ZFAT: variants seen among roughly 807,000 people sequenced by gnomAD.
ZFAT encodes the protein zinc finger and AT-hook domain containing, also known as zinc finger protein ZFAT.
Under a neutral mutation model 117.7 loss-of-function variants are expected in ZFAT, and 64 were observed. The observed-to-expected ratio is 0.54, with a 90% CI of 0.44 to 0.67. The LOEUF (loss-of-function observed/expected upper bound fraction) is 0.67, where lower values mean the gene tolerates loss of function less well. ZFAT is among the 30% of genes least tolerant of loss of function. The pLI is 0.00. For missense variants in ZFAT, 1,433 were observed against 1,584.5 expected (o/e 0.90, Z 1.62); for synonymous variants, 679 against 615.0 (o/e 1.10, Z -1.54).
At position 134,512,588 on chromosome 8, in the gene ZFAT, G is replaced by C; in HGVS notation, c.3248C>G (p.Ala1083Gly). Reference sequence around the variant, plus strand: ...ATACTGGGTGGAGGGCTCCTCAGGAGCTTCTGTTGCTGTCTAAATAAAAAC... The same window carrying C: ...ATACTGGGTGGAGGGCTCCTCAGGACCTTCTGTTGCTGTCTAAATAAAAAC... ...GDPKWETATE[A>G]PEEPSTQYLH... The change falls in exon 14 of 16, where the codon GCT becomes GGT. Residue 1083 changes from alanine (A) to glycine (G), a missense_variant. By Grantham distance (60) the Ala-to-Gly change is moderately conservative. Coordinates refer to ENST00000377838, the MANE Select transcript of ZFAT (RefSeq NM_020863.4). 6.2e-7 allele frequency: 1 copy of C among 1,613,370 alleles called. No homozygotes were observed. The highest frequency in any genetic ancestry group is 8.5e-7 in the Non-Finnish European group (1 of 1,179,728).
chr8:134,626,466 T>C (rs1466788926), intron 3 of ZFAT, among the ~76,000 whole-genome samples: 1 of 152,176 alleles, frequency 6.6e-6, no homozygotes, highest in East Asian at 1.9e-4. Context: ...CCTGCCCCAG[T>C]GGTCGAATCA....
At chr8:134,730,255 C>T in the ZFAT span, among the ~76,000 whole-genome samples, 194 of 152,386 alleles carry the variant, frequency 1.3e-3, 3 homozygotes, top group South Asian at 1.7e-3. Context: ...AAAGGCCCAA[C>T]GTACTCCTCC....
chr8:134,509,611 G>A lies in ZFAT; in HGVS notation c.3492+8C>T. On this transcript the variant is annotated splice_region_variant and intron_variant, in intron 15 of 15. Coordinates refer to ENST00000377838, the MANE Select transcript of ZFAT (RefSeq NM_020863.4). Reference sequence around the variant, plus strand: ...AGAGATGAATAGTTACAGAAGGAGGGTCCCTACCTGCTTAACCACAGTCAC... The same window carrying A: ...AGAGATGAATAGTTACAGAAGGAGGATCCCTACCTGCTTAACCACAGTCAC... 1.2e-6 allele frequency: 2 copies of A among 1,613,268 alleles called. No homozygotes were observed. The highest frequency in any genetic ancestry group is 8.5e-7 in the Non-Finnish European group (1 of 1,179,692).
the ZFAT span, chr8:134,794,877 T>C: frequency 2.6e-5 from 4 of 152,210 alleles, no homozygotes; most frequent in Admixed American, 6.5e-5. Context: ...GCAAAATAAA[T>C]TGAAATAGCA....
intron 1 of ZFAT, among the ~76,000 whole-genome samples, chr8:134,686,616 T>G (rs1342222952): frequency 1.3e-5 from 2 of 152,132 alleles, no homozygotes; most frequent in Non-Finnish European, 2.9e-5. Flanking sequence ...GGAACACTAT[T>G]TTGGCCCTCG....
chr8:134,680,862 A>G (rs1833039856), intron 1 of ZFAT, among the ~76,000 whole-genome samples: 1 of 152,250 alleles, frequency 6.6e-6, no homozygotes, highest in South Asian at 2.1e-4. Flanking sequence ...TATTTTAAAA[A>G]TGTAAACCAC....
At chr8:134,661,057 A>G (rs930464455) in intron 1 of ZFAT, among the ~76,000 whole-genome samples, 3 of 152,238 alleles carry the variant, frequency 2.0e-5, no homozygotes, top group Admixed American at 1.3e-4. Flanking sequence ...ACATCACAGA[A>G]GGCTCCGCCA....
chr8:134,822,902 T>C, the ZFAT span, among the ~76,000 whole-genome samples: 2 of 152,022 alleles, frequency 1.3e-5, no homozygotes, highest in African/African-American at 2.4e-5. Flanking sequence ...CTTTTTGGAA[T>C]ATAAATTCAG....
chr8:134,735,421 G>A, the ZFAT span, among the ~76,000 whole-genome samples: 1 of 152,190 alleles, frequency 6.6e-6, no homozygotes, highest in African/African-American at 2.4e-5. Context: ...CTGATCCTAT[G>A]TCCAATCAAA....
the ZFAT span, among the ~76,000 whole-genome samples, chr8:134,803,113 A>G: frequency 6.6e-6 from 1 of 152,352 alleles, no homozygotes; most frequent in East Asian, 1.9e-4. Context: ...GCATCTAGGG[A>G]TAACTGGCCT....
the ZFAT span, among the ~76,000 whole-genome samples, chr8:134,814,022 A>G: frequency 6.6e-6 from 1 of 152,206 alleles, no homozygotes; most frequent in East Asian, 1.9e-4. Context: ...AATCAAGAGA[A>G]AGAATAAAAC....
the ZFAT span, among the ~76,000 whole-genome samples, chr8:134,823,123 A>T: frequency 2.0e-5 from 3 of 152,148 alleles, no homozygotes; most frequent in African/African-American, 7.2e-5. Flanking sequence ...CTCAATGATA[A>T]GCTCAGAAAT....
the ZFAT span, among the ~76,000 whole-genome samples, chr8:134,749,479 A>C: frequency 7.9e-5 from 12 of 152,194 alleles, no homozygotes; most frequent in Admixed American, 7.9e-4. Flanking sequence ...AGGGAGCTCA[A>C]GCCTCATTTA....
chr8:134,691,761 C>T (rs188901477), intron 1 of ZFAT, among the ~76,000 whole-genome samples: 124 of 152,280 alleles, frequency 8.1e-4, no homozygotes, highest in African/African-American at 2.9e-3. Context: ...TAACCTGTCT[C>T]CCTCAATAGA....
the ZFAT span, among the ~76,000 whole-genome samples, chr8:134,744,070 T>C: frequency 7.9e-5 from 12 of 152,184 alleles, no homozygotes; most frequent in Admixed American, 7.9e-4. Flanking sequence ...ACACTTTCCA[T>C]GGGTCAGAAG....
At chr8:134,682,343 C>T (rs369848459) in intron 1 of ZFAT, among the ~76,000 whole-genome samples, 9 of 152,360 alleles carry the variant, frequency 5.9e-5, no homozygotes, top group African/African-American at 1.9e-4. Context: ...TAAGCTGCCT[C>T]CTGATCTTAG....
the ZFAT span, among the ~76,000 whole-genome samples, chr8:134,739,197 C>G: frequency 6.6e-6 from 1 of 152,196 alleles, no homozygotes; most frequent in Non-Finnish European, 1.5e-5. Context: ...GAAGACCACT[C>G]TCACTTTTTC....
intron 15 of ZFAT, among the ~76,000 whole-genome samples, chr8:134,481,898 G>A (rs544238419): frequency 6.6e-4 from 101 of 152,352 alleles, no homozygotes; most frequent in Non-Finnish European, 9.6e-4. Context: ...AGAAGAGAGT[G>A]AGCAAAGAAC....
At chr8:134,480,351 A>G (rs2129999772) in intron 15 of ZFAT, among the ~76,000 whole-genome samples, 1 of 152,334 alleles carries the variant, frequency 6.6e-6, no homozygotes, top group Middle Eastern at 3.4e-3. Context: ...AACTTTTGTC[A>G]TCTTACCAGC....
Sources: gnomAD v4.1 joint callset for allele counts (sites outside exome capture counted in the v4.1 genomes callset) on GRCh38, gnomAD v4.1.1 for gene constraint, MANE v1.5 for transcripts, NCBI Gene and HGNC (gene_info 2026-07-23, HGNC 2026-07-21) for gene names.